SAMMSON: variants seen among roughly 807,000 people sequenced by gnomAD.
SAMMSON encodes survival associated mitochondrial melanoma specific oncogenic non-coding RNA.
chr3:70,391,295 A>G (rs970072439), downstream of SAMMSON, among the ~76,000 whole-genome samples: 2 of 152,184 alleles, frequency 1.3e-5, no homozygotes, highest in African/African-American at 4.8e-5. Flanking sequence ...TTTGGACTTA[A>G]AAGGCTCAAA....
At chr3:70,220,225 G>A (rs1433616341) in intron 4 of SAMMSON, among the ~76,000 whole-genome samples, 1 of 152,022 alleles carries the variant, frequency 6.6e-6, no homozygotes, top group Non-Finnish European at 1.5e-5. Flanking sequence ...CTGTGTGAGA[G>A]TACAATAGTC....
At chr3:70,378,333 G>C (rs1339314814) in intron 9 of SAMMSON, among the ~76,000 whole-genome samples, 2 of 151,954 alleles carry the variant, frequency 1.3e-5, no homozygotes, top group African/African-American at 4.8e-5. Context: ...GATGTGTAAT[G>C]TTGAGTGGGA....
At chr3:70,307,727 C>T (rs936496449) in intron 7 of SAMMSON, among the ~76,000 whole-genome samples, 20 of 152,262 alleles carry the variant, frequency 1.3e-4, no homozygotes, top group Admixed American at 1.0e-3. Flanking sequence ...TTTACAGGCT[C>T]ATATCACACA....
intron 2 of SAMMSON, among the ~76,000 whole-genome samples, chr3:70,397,791 G>C (rs1349519664): frequency 2.0e-5 from 3 of 152,046 alleles, no homozygotes; most frequent in Non-Finnish European, 4.4e-5. Context: ...ATCAGGAAAA[G>C]AGAAGTCATC....
At chr3:70,027,484 T>A (rs2067045532) in intron 3 of SAMMSON, among the ~76,000 whole-genome samples, 1 of 152,230 alleles carries the variant, frequency 6.6e-6, no homozygotes, top group Non-Finnish European at 1.5e-5. Flanking sequence ...TATCTCTCAA[T>A]ATACCAACCC....
At chr3:70,053,956 T>G (rs2067157036) in intron 3 of SAMMSON, among the ~76,000 whole-genome samples, 1 of 152,160 alleles carries the variant, frequency 6.6e-6, no homozygotes, top group Admixed American at 6.5e-5. Context: ...TTGCCTTTTT[T>G]TTAAATTTAC....
At chr3:70,050,706 A>T (rs1327717800) in intron 3 of SAMMSON, among the ~76,000 whole-genome samples, 1 of 152,034 alleles carries the variant, frequency 6.6e-6, no homozygotes, top group East Asian at 1.9e-4. Context: ...TTCAGTGATC[A>T]ATGATCAGTT....
intron 4 of SAMMSON, among the ~76,000 whole-genome samples, chr3:70,079,278 C>T (rs1310279990): frequency 6.6e-6 from 1 of 152,254 alleles, no homozygotes; most frequent in South Asian, 2.1e-4. Flanking sequence ...CTCTTCTTAA[C>T]TCTAGGTCCA....
chr3:70,254,656 T>G (rs1308770894), intron 6 of SAMMSON, among the ~76,000 whole-genome samples: 1 of 152,200 alleles, frequency 6.6e-6, no homozygotes, highest in East Asian at 1.9e-4. Context: ...AGAAGTTTAC[T>G]ATTTAAGTTT....
intron 2 of SAMMSON, among the ~76,000 whole-genome samples, chr3:70,431,865 C>T (rs963308998): frequency 1.3e-5 from 2 of 151,996 alleles, no homozygotes; most frequent in African/African-American, 2.4e-5. Context: ...TGATTTCTTT[C>T]GCTTAACAAA....
chr3:70,067,065 G>T (rs2067212345), intron 3 of SAMMSON, among the ~76,000 whole-genome samples: 1 of 152,006 alleles, frequency 6.6e-6, no homozygotes, highest in South Asian at 2.1e-4. Context: ...ATTGTTGAAA[G>T]AATTCTAATC....
At chr3:70,347,773 C>T (rs867285568) in intron 7 of SAMMSON, among the ~76,000 whole-genome samples, 16 of 152,058 alleles carry the variant, frequency 1.1e-4, no homozygotes, top group South Asian at 2.1e-4. Context: ...TCGGGAGCAG[C>T]GGCTCACTCC....
intron 3 of SAMMSON, chr3:70,068,337 T>C (rs1436126294): frequency 6.6e-6 from 1 of 152,036 alleles, no homozygotes; most frequent in Non-Finnish European, 1.5e-5. Context: ...CCCTGAAGCC[T>C]GCAAGGGAAA....
chr3:70,044,964 G>GGTAAAATACTTTAATTAA (rs2067118676), intron 3 of SAMMSON, among the ~76,000 whole-genome samples: 1 of 129,930 alleles, frequency 7.7e-6, no homozygotes, highest in African/African-American at 3.2e-5. Flanking sequence ...AATTATATTA[G>GGTAAAATACTTTAATTAA]AGTATTACAT....
chr3:70,402,872 A>C (rs1701151649), intron 2 of SAMMSON, among the ~76,000 whole-genome samples: 1 of 152,096 alleles, frequency 6.6e-6, no homozygotes, highest in African/African-American at 2.4e-5. Context: ...AAAAAATTAC[A>C]AAATACATAT....
chr3:70,045,512 T>C (rs9812459), intron 3 of SAMMSON, among the ~76,000 whole-genome samples: 2 of 151,452 alleles, frequency 1.3e-5, no homozygotes, highest in Non-Finnish European at 2.9e-5. Context: ...ATTAATATAT[T>C]TTTTTTTCAT....
At chr3:70,073,442 A>G (rs1463999069) in intron 4 of SAMMSON, among the ~76,000 whole-genome samples, 1 of 152,088 alleles carries the variant, frequency 6.6e-6, no homozygotes, top group East Asian at 1.9e-4. Flanking sequence ...CAAGACAGAC[A>G]TAGTTCCTGC....
At chr3:70,322,176 G>T (rs997156382) in intron 7 of SAMMSON, among the ~76,000 whole-genome samples, 3 of 152,034 alleles carry the variant, frequency 2.0e-5, no homozygotes, top group Non-Finnish European at 4.4e-5. Context: ...GATCCTCACA[G>T]TACAGTACCT....
intron 4 of SAMMSON, chr3:70,126,446 T>A: frequency 1.5e-6 from 1 of 687,788 alleles, no homozygotes; most frequent in Non-Finnish European, 2.7e-6. Context: ...TGACAGGTCA[T>A]GCACCAACCG....
Sources: gnomAD v4.1 joint callset for allele counts (sites outside exome capture counted in the v4.1 genomes callset) on GRCh38, gnomAD v4.1.1 for gene constraint, MANE v1.5 for transcripts, NCBI Gene and HGNC (gene_info 2026-07-23, HGNC 2026-07-21) for gene names.